CYP7B1: variants seen among roughly 807,000 people sequenced by gnomAD.
CYP7B1 encodes the protein cytochrome P450 family 7 subfamily B member 1.
Under a neutral mutation model 42.7 loss-of-function variants are expected in CYP7B1, and 29 were observed. The ratio of observed to expected loss-of-function variants is 0.68; its 90% confidence interval spans 0.51 to 0.93. CYP7B1 has a LOEUF of 0.93. Ranked by LOEUF, CYP7B1 falls within the 40% of genes least tolerant of loss-of-function variation. The pLI, the probability that CYP7B1 is intolerant of heterozygous loss-of-function variation, is 0.00. For missense variants in CYP7B1, 655 were observed against 600.5 expected, an observed-to-expected ratio of 1.09 and a Z score of -0.95; for synonymous variants, 235 against 218.2, an observed-to-expected ratio of 1.08 and a Z score of -0.68.
At chr8:64,741,825 C>A (rs1807573833) in intron 1 of CYP7B1, among the ~76,000 whole-genome samples, 1 of 152,062 alleles carries the variant, frequency 6.6e-6, no homozygotes. Flanking sequence ...CAGAAAACTA[C>A]AAAACTCTAA....
At chr8:64,749,458 T>C (rs1268473829) in intron 1 of CYP7B1, among the ~76,000 whole-genome samples, 1 of 152,076 alleles carries the variant, frequency 6.6e-6, no homozygotes, top group East Asian at 1.9e-4. Flanking sequence ...AAAGGTACCA[T>C]AGTAATCCAG....
At chr8:64,706,489 C>A (rs1310396660) in intron 1 of CYP7B1, among the ~76,000 whole-genome samples, 3 of 151,926 alleles carry the variant, frequency 2.0e-5, no homozygotes, top group Admixed American at 1.3e-4. Context: ...AACAGAAATA[C>A]CTGTTAAAAG....
At chr8:64,665,599 G>A (rs1232803737) in intron 1 of CYP7B1, among the ~76,000 whole-genome samples, 3 of 63,170 alleles carry the variant, frequency 4.7e-5, no homozygotes, top group Non-Finnish European at 3.0e-5. Flanking sequence ...TTTTTGAGAC[G>A]GAGTTTCACT....
At position 64,646,180 on chromosome 8, in the gene CYP7B1, A is replaced by C. The variant is rs900835775; in HGVS notation, c.123-21641T>G. Among the ~76,000 whole-genome samples, 8 of 149,550 alleles carry C rather than the reference A, an allele frequency of 5.3e-5. No homozygotes were observed. The East Asian group carries it at 1.6e-3, about 29-fold the overall frequency. On this transcript the variant is annotated intron_variant, in intron 1 of 5. Transcript: ENST00000310193. ...TAAAACACCAAAAGCAATGGCAACA[A>C]AAGACAAAATTGACAAATGGGATCT...
intron 1 of CYP7B1, among the ~76,000 whole-genome samples, chr8:64,710,173 C>T (rs1440735912): frequency 1.3e-5 from 2 of 152,138 alleles, no homozygotes; most frequent in Non-Finnish European, 2.9e-5. Flanking sequence ...TTGTTGCCAG[C>T]CAAGTCTTCG....
chr8:64,597,010 T>G (rs1481772248), intron 5 of CYP7B1, 81 bp from the exon 6 acceptor site: 3 of 1,272,158 alleles, frequency 2.4e-6, no homozygotes, highest in African/African-American at 3.1e-5. Flanking sequence ...TAGCTCTCTC[T>G]GCCTGTCTTA....
At chr8:64,672,898 A>G (rs1270162861) in intron 1 of CYP7B1, among the ~76,000 whole-genome samples, 1 of 152,148 alleles carries the variant, frequency 6.6e-6, no homozygotes, top group Non-Finnish European at 1.5e-5. Flanking sequence ...GATTTCTTGG[A>G]TTGCAGGTTT....
chr8:64,720,158 C>A (rs1186660741), intron 1 of CYP7B1, among the ~76,000 whole-genome samples: 2 of 151,940 alleles, frequency 1.3e-5, no homozygotes, highest in Non-Finnish European at 2.9e-5. Flanking sequence ...TTTTAATGTG[C>A]CCATTATAAA....
At chr8:64,661,838 T>A (rs1047275497) in intron 1 of CYP7B1, among the ~76,000 whole-genome samples, 4 of 152,230 alleles carry the variant, frequency 2.6e-5, no homozygotes, top group Admixed American at 2.6e-4. Context: ...TAGGTTTTAA[T>A]ATGAGATGTA....
intron 1 of CYP7B1, among the ~76,000 whole-genome samples, chr8:64,750,842 T>C (rs963924843): frequency 6.6e-6 from 1 of 152,200 alleles, no homozygotes; most frequent in Non-Finnish European, 1.5e-5. Context: ...GTGATTCCTA[T>C]ACTAAGACTA....
chr8:64,633,450 T>C (rs1223084441), intron 1 of CYP7B1, among the ~76,000 whole-genome samples: 1 of 152,210 alleles, frequency 6.6e-6, no homozygotes, highest in African/African-American at 2.4e-5. Context: ...TGCTTTGTTA[T>C]ATAACTGCAA....
intron 1 of CYP7B1, among the ~76,000 whole-genome samples, chr8:64,653,074 A>G (rs556977316): frequency 2.0e-5 from 3 of 152,286 alleles, no homozygotes; most frequent in African/African-American, 4.8e-5. Flanking sequence ...GCAACCTAAC[A>G]TCACAACTGA....
intron 1 of CYP7B1, among the ~76,000 whole-genome samples, chr8:64,667,650 A>C (rs1380949498): frequency 6.6e-6 from 1 of 152,202 alleles, no homozygotes; most frequent in Non-Finnish European, 1.5e-5. Flanking sequence ...ACCTCTAATT[A>C]GGTATCAGTT....
At chr8:64,679,568 C>G (rs1806505370) in intron 1 of CYP7B1, among the ~76,000 whole-genome samples, 1 of 151,980 alleles carries the variant, frequency 6.6e-6, no homozygotes, top group Non-Finnish European at 1.5e-5. Context: ...TTCTTGCTTT[C>G]TAACTTCTAT....
intron 5 of CYP7B1, among the ~76,000 whole-genome samples, chr8:64,601,439 G>C (rs1003718091): frequency 6.6e-6 from 1 of 152,166 alleles, no homozygotes; most frequent in African/African-American, 2.4e-5. Context: ...TCTGGACCTA[G>C]GAAAGCCAAC....
chr8:64,692,267 C>T (rs765086293), intron 1 of CYP7B1, among the ~76,000 whole-genome samples: 2 of 152,208 alleles, frequency 1.3e-5, no homozygotes, highest in Non-Finnish European at 1.5e-5. Context: ...AGGGTTCACT[C>T]CTAACTGCAA....
At chr8:64,633,826 G>T (rs1337022784) in intron 1 of CYP7B1, among the ~76,000 whole-genome samples, 1 of 152,182 alleles carries the variant, frequency 6.6e-6, no homozygotes, top group Admixed American at 6.5e-5. Context: ...AAAGTGGAAA[G>T]ACTTATACTA....
intron 1 of CYP7B1, among the ~76,000 whole-genome samples, chr8:64,661,864 A>G (rs886606067): frequency 6.6e-6 from 1 of 152,226 alleles, no homozygotes; most frequent in South Asian, 2.1e-4. Flanking sequence ...TAGAAAAATA[A>G]ATTTAACTAT....
chr8:64,769,478 C>T (rs1804180306), intron 1 of CYP7B1, among the ~76,000 whole-genome samples: 1 of 152,212 alleles, frequency 6.6e-6, no homozygotes, highest in Admixed American at 6.5e-5. Context: ...ACCCTATCCT[C>T]TGTGTATCCT....
Sources: gnomAD v4.1 joint callset for allele counts (sites outside exome capture counted in the v4.1 genomes callset) on GRCh38, gnomAD v4.1.1 for gene constraint, MANE v1.5 for transcripts, NCBI Gene and HGNC (gene_info 2026-07-23, HGNC 2026-07-21) for gene names.